PREP: variants seen among roughly 807,000 people sequenced by gnomAD.
PREP encodes prolyl endopeptidase.
Under a neutral mutation model 87.6 loss-of-function variants are expected in PREP, and 29 were observed. The observed-to-expected ratio is 0.33, with a 90% CI of 0.25 to 0.45. The LOEUF is 0.45. Among genes scored for constraint, PREP ranks in the 20% least tolerant of loss-of-function variants. The pLI is 1.00. For missense variants in PREP, 695 were observed against 886.5 expected, an observed-to-expected ratio of 0.78 and a Z score of 2.74; for synonymous variants, 337 against 328.6, an observed-to-expected ratio of 1.03 and a Z score of -0.28.
intron 2 of PREP, among the ~76,000 whole-genome samples, chr6:105,391,139 G>C (rs1167118759): frequency 8.7e-6 from 1 of 114,374 alleles, no homozygotes; most frequent in Non-Finnish European, 1.7e-5. Context: ...GGGAGGCTGA[G>C]GGCTGAGGCC....
chr6:105,337,342 G>C (rs944134196), intron 7 of PREP, among the ~76,000 whole-genome samples: 2 of 152,192 alleles, frequency 1.3e-5, no homozygotes, highest in African/African-American at 4.8e-5. Context: ...CAACCAACCT[G>C]ACAGCACTAT....
chr6:105,385,090 G>T (rs116594056), intron 2 of PREP, among the ~76,000 whole-genome samples: 5 of 152,162 alleles, frequency 3.3e-5, no homozygotes, highest in African/African-American at 4.8e-5. Context: ...AGGCTGGAAA[G>T]AGGAGAGCTG....
intron 2 of PREP, among the ~76,000 whole-genome samples, chr6:105,385,181 C>A (rs1441497940): frequency 6.8e-6 from 1 of 146,986 alleles, no homozygotes; most frequent in African/African-American, 2.5e-5. Context: ...AAAGAATAAA[C>A]TTTAAGCATT....
At position 105,274,651 on chromosome 6, in the gene PREP, C is replaced by T. The variant is rs1769900065; in HGVS notation, c.*3493G>A. Among the ~76,000 whole-genome samples the T allele has an allele frequency of 6.6e-6, 1 of 152,094 alleles. No homozygotes were observed. The highest frequency in any genetic ancestry group is 6.6e-5 in the Admixed American group (1 of 15,264). On this transcript the variant is annotated 3_prime_UTR_variant, in exon 15 of 15. Transcript: ENST00000652536. ...GGAATGATGGTATGCGCCTGTAATA[C>T]CAGCTACTGGGAAGGCTGAGGCAGG...
At position 105,339,437 on chromosome 6, in the gene PREP, A is replaced by G. The variant is rs575956340; in HGVS notation, c.824-5932T>C. On this transcript the variant is annotated intron_variant, in intron 7 of 14. Coordinates refer to ENST00000652536, the MANE Select transcript of PREP (RefSeq NM_002726.5). ...AACCACAAAGATGGGGAGAAACCAG[A>G]GCAGAAAAGCTGAAAATTCTAAAAA... Among the ~76,000 whole-genome samples the G allele has an allele frequency of 2.6e-5, 4 of 152,324 alleles. No individual in the cohort carries two copies. In the East Asian group the frequency reaches 7.7e-4, roughly 29 times the overall value.
intron 7 of PREP, among the ~76,000 whole-genome samples, chr6:105,342,512 A>G (rs909969639): frequency 4.6e-5 from 7 of 152,226 alleles, no homozygotes; most frequent in Admixed American, 4.6e-4. Context: ...TATTCAACAT[A>G]GTGTTGGAAG....
intron 7 of PREP, among the ~76,000 whole-genome samples, chr6:105,348,677 C>T (rs754936703): frequency 2.2e-4 from 34 of 152,178 alleles, no homozygotes; most frequent in Admixed American, 6.5e-4. Flanking sequence ...GTCAGGAGAT[C>T]GAGACTAGCC....
chr6:105,364,764 C>T (rs6907547), intron 6 of PREP, among the ~76,000 whole-genome samples: 7,259 of 152,214 alleles, frequency 0.048, 183 homozygotes, highest in Non-Finnish European at 0.057. Context: ...GGCCACAGAC[C>T]GAACTAGAAT....
intron 2 of PREP, among the ~76,000 whole-genome samples, chr6:105,381,857 A>G (rs1583098576): frequency 1.1e-5 from 1 of 90,418 alleles, no homozygotes; most frequent in Non-Finnish European, 2.1e-5. Flanking sequence ...AAAATCTGTT[A>G]CAAGGGTAGC....
At chr6:105,384,393 T>C (rs1210757194) in intron 2 of PREP, among the ~76,000 whole-genome samples, 1 of 152,186 alleles carries the variant, frequency 6.6e-6, no homozygotes, top group Non-Finnish European at 1.5e-5. Context: ...GCTGGAACGG[T>C]GACAGTTATA....
At chr6:105,300,417 T>C (rs542060794) in intron 10 of PREP, among the ~76,000 whole-genome samples, 37 of 152,326 alleles carry the variant, frequency 2.4e-4, no homozygotes, top group African/African-American at 8.4e-4. Flanking sequence ...AAAAATTCCA[T>C]TTCAATAGTA....
At chr6:105,381,759 A>G (rs1413045278) in intron 2 of PREP, among the ~76,000 whole-genome samples, 1 of 152,256 alleles carries the variant, frequency 6.6e-6, no homozygotes, top group Non-Finnish European at 1.5e-5. Context: ...AAAGCAAAGC[A>G]AAGCTTCAGT....
At chr6:105,352,819 T>C (rs543134159) in intron 7 of PREP, among the ~76,000 whole-genome samples, 153 bp downstream of exon 7, 11 of 152,348 alleles carry the variant, frequency 7.2e-5, no homozygotes, top group Non-Finnish European at 1.0e-4. Context: ...TTCCCTCATT[T>C]TATGGAATAG....
At chr6:105,374,290 T>C (rs6914611) in intron 4 of PREP, among the ~76,000 whole-genome samples, 16,709 of 152,200 alleles carry the variant, frequency 0.11, 972 homozygotes, top group Middle Eastern at 0.19. Context: ...TGGCAAATAC[T>C]TGTGTTTCAT....
intron 7 of PREP, among the ~76,000 whole-genome samples, chr6:105,335,235 CA>C (rs1316952988): frequency 3.3e-5 from 5 of 152,136 alleles, no homozygotes; most frequent in Admixed American, 6.5e-5. Flanking sequence ...GTTCTATAAA[CA>C]AAAAAGTTCT....
rs1770175490 is a variant in PREP, at chr6:105,285,636, CCT to C, written c.1455-58_1455-57del. 2.8e-6 allele frequency: 4 copies of C among 1,409,378 alleles called. No homozygotes were observed. In the South Asian group the frequency reaches 3.5e-5, roughly 12 times the overall value. 87.3% of individuals were successfully genotyped at this position (1,409,378 alleles called of 1,614,324 possible). On this transcript the variant is annotated intron_variant, in intron 11 of 14. Coordinates refer to ENST00000652536, the MANE Select transcript of PREP (RefSeq NM_002726.5). Reference sequence around the variant, plus strand: ...ATTAACTGCCTAGTGAAGACCATGCCCTCTCTCTCCATCTCAAAAAAGTGTAT... The same window carrying C: ...ATTAACTGCCTAGTGAAGACCATGCCCTCTCTCCATCTCAAAAAAGTGTAT...
At chr6:105,348,110 T>A (rs1217732679) in intron 7 of PREP, among the ~76,000 whole-genome samples, 1 of 152,184 alleles carries the variant, frequency 6.6e-6, no homozygotes, top group Non-Finnish European at 1.5e-5. Context: ...TAGCCTGGTG[T>A]CTTTAATGTT....
intron 10 of PREP, among the ~76,000 whole-genome samples, chr6:105,309,929 A>C (rs1770727687): frequency 6.6e-6 from 1 of 152,198 alleles, no homozygotes; most frequent in Admixed American, 6.5e-5. Flanking sequence ...TGCCCCATGC[A>C]ACTTTTCATT....
chr6:105,315,832 T>C (rs1290403173), intron 10 of PREP, among the ~76,000 whole-genome samples: 1 of 152,252 alleles, frequency 6.6e-6, no homozygotes, highest in Non-Finnish European at 1.5e-5. Context: ...TTAAACTTCA[T>C]GAACCAACCT....
Sources: gnomAD v4.1 joint callset for allele counts (sites outside exome capture counted in the v4.1 genomes callset) on GRCh38, gnomAD v4.1.1 for gene constraint, MANE v1.5 for transcripts, NCBI Gene and HGNC (gene_info 2026-07-23, HGNC 2026-07-21) for gene names.